The following MCFD2 variants were observed in gnomAD, a reference collection of about 807,000 sequenced individuals.
MCFD2 encodes multiple coagulation factor deficiency protein 2.
In MCFD2, 11 loss-of-function variants were observed where a neutral mutation model predicts 12.8. The observed-to-expected ratio is 0.86, with a 90% CI of 0.54 to 1.42. The LOEUF (loss-of-function observed/expected upper bound fraction) is 1.42. Ranked by LOEUF, MCFD2 falls within the 40% of genes most tolerant of loss-of-function variation. The pLI is 0.00. For synonymous variants in MCFD2, 70 were observed against 68.1 expected, an observed-to-expected ratio of 1.03 and a Z score of -0.14; for missense variants, 191 against 178.6, an observed-to-expected ratio of 1.07 and a Z score of -0.40.
At position 46,909,164 on chromosome 2, in the gene MCFD2, A is replaced by G. The variant is rs1254106218; in HGVS notation, c.8T>C (p.Met3Thr). 2 of 1,611,420 alleles carry G rather than the reference A, an allele frequency of 1.2e-6. No individual in the cohort carries two copies. Among genetic ancestry groups the G allele is most frequent in the Non-Finnish European group, 1.7e-6 (2 of 1,177,610 alleles). Residue 3 changes from methionine (M) to threonine (T), a missense_variant, in exon 2 of 4, where the codon ATG (methionine) becomes ACG (threonine). Met to Thr is a moderately conservative substitution (Grantham distance 81, BLOSUM62 -1). Coordinates refer to ENST00000319466, the MANE Select transcript of MCFD2 (RefSeq NM_139279.6). MTMRSLLRTPFLC... is the reference protein window; with the variant it reads MTTRSLLRTPFLC... ...GAAGGGGGTTCTGAGCAGGGATCTC[A>G]TGGTCATCAATATCTGTGAGATGGG...
In MCFD2 at chr2:46,940,185, G is replaced by C. The variant is rs1204984763; in HGVS notation, c.-8+1387C>G. On this transcript the variant is annotated intron_variant, in intron 1 of 2. Transcript: ENST00000409147. The surrounding 1 kb of genome is among the most constrained non-coding windows in gnomAD (Gnocchi z 4.7). Reference sequence around the variant, plus strand: ...TAAAAACCTTCCCTCGGTTACAGTTGTCCAAAAACACTTAGGGCAGTGGTG... The same window carrying C: ...TAAAAACCTTCCCTCGGTTACAGTTCTCCAAAAACACTTAGGGCAGTGGTG... 2.0e-5 allele frequency among the ~76,000 whole-genome samples: 3 copies of C among 152,066 alleles called. No homozygotes were observed. The highest frequency in any genetic ancestry group is 2.9e-5 in the Non-Finnish European group (2 of 68,020).
chr2:46,911,805 A>C (rs1210515864), intron 1 of MCFD2, among the ~76,000 whole-genome samples: 1 of 152,158 alleles, frequency 6.6e-6, no homozygotes, highest in East Asian at 1.9e-4. Flanking sequence ...GGGCACCTGT[A>C]GTCCCAGCTA....
chr2:46,917,177 T>G, upstream of MCFD2: 2 of 701,804 alleles, frequency 2.8e-6, no homozygotes, highest in Non-Finnish European at 5.2e-6. Context: ...TTTTTCTTTT[T>G]TTAAAGAAAA....
At position 46,902,307 on chromosome 2, in the gene MCFD2, G is replaced by C. The variant is rs190858774; in HGVS notation, c.*3156C>G. On this transcript the variant is annotated 3_prime_UTR_variant, in exon 4 of 4. Transcript: ENST00000319466. ...ACTTCAACAATATCCCTCTTGACTAGAACTTCTATCTGATTAATCATTGTT... is the reference window on the plus strand; with the variant it reads ...ACTTCAACAATATCCCTCTTGACTACAACTTCTATCTGATTAATCATTGTT... 4 of 152,724 alleles carry C rather than the reference G, an allele frequency of 2.6e-5. No homozygotes were observed. The East Asian group carries it at 5.8e-4, about 22-fold the overall frequency. The allele number at this position is 152,724 out of a possible 1,614,324, so 9.5% of individuals were successfully genotyped here. A position where few individuals can be genotyped will look rare whatever the true frequency, so the allele number is the denominator to read the frequency against.
chr2:46,905,710 A>G (rs1210468160), intron 3 of MCFD2, 116 bp from the exon 4 acceptor site: 2 of 1,142,410 alleles, frequency 1.8e-6, no homozygotes, highest in Non-Finnish European at 1.3e-6. Context: ...AAAAAAAAAA[A>G]AAAAAGGAAA....
At position 46,941,605 on chromosome 2, in the gene MCFD2, G is replaced by A. The variant is rs370846366; in HGVS notation, c.-41C>T. 9 of 1,556,642 alleles carry A rather than the reference G, an allele frequency of 5.8e-6. No homozygotes were observed. Among genetic ancestry groups the A allele is most frequent in the Non-Finnish European group, 7.8e-6 (9 of 1,150,802 alleles). On this transcript the variant is annotated 5_prime_UTR_variant, in exon 1 of 3. Coordinates refer to the MCFD2 transcript ENST00000409147. The surrounding 1 kb of genome is among the most constrained non-coding windows in gnomAD (Gnocchi z 4.2). ...GGAGAGCGAGCTGGAGCGCTGCCGC[G>A]CCGAGGGCCACTGGGACCGCATGCC... is the stretch of plus-strand genomic sequence containing the variant.
intron 1 of MCFD2, among the ~76,000 whole-genome samples, chr2:46,929,965 C>T (rs189716843): frequency 2.2e-4 from 33 of 152,170 alleles, no homozygotes; most frequent in Non-Finnish European, 4.0e-4. Context: ...TAGCTTGAGC[C>T]CCAGAGTGAA....
At chr2:46,916,855 T>A (rs1668823073), upstream of MCFD2, among the ~76,000 whole-genome samples, 1 of 151,966 alleles carries the variant, frequency 6.6e-6, no homozygotes, top group South Asian at 2.1e-4. Context: ...GGCTGGTCTC[T>A]AACTGCTGAC....
chr2:46,923,708 A>G (rs912897869), intron 1 of MCFD2, among the ~76,000 whole-genome samples: 2 of 152,086 alleles, frequency 1.3e-5, no homozygotes, highest in Non-Finnish European at 2.9e-5. Context: ...CCTGCACAAC[A>G]TAGGAAGACC....
upstream of MCFD2, among the ~76,000 whole-genome samples, chr2:46,920,289 G>C (rs908662591): frequency 6.6e-6 from 1 of 151,988 alleles, no homozygotes; most frequent in African/African-American, 2.4e-5. Context: ...GTTGTTTGGA[G>C]TTTTTGACAT....
At chr2:46,906,008 T>A in intron 3 of MCFD2, 1 of 471,826 alleles carries the variant, frequency 2.1e-6, no homozygotes. Context: ...CAGTGACGAA[T>A]TGGACAACAA....
At chr2:46,921,162 C>T (rs1178426789) in intron 1 of MCFD2, among the ~76,000 whole-genome samples, 4 of 152,114 alleles carry the variant, frequency 2.6e-5, no homozygotes, top group African/African-American at 7.2e-5. Flanking sequence ...ATTCATTATA[C>T]TAGAGCTTTA....
At chr2:46,936,443 A>G (rs998665757) in intron 1 of MCFD2, among the ~76,000 whole-genome samples, 2 of 152,102 alleles carry the variant, frequency 1.3e-5, no homozygotes, top group Admixed American at 1.3e-4. Context: ...GTTCAGGACA[A>G]TCTCTCCGGA....
In MCFD2 at chr2:46,941,533, C is replaced by T. The variant is rs911541663; in HGVS notation, c.-8+39G>A. On this transcript the variant is annotated intron_variant, in intron 1 of 2. Coordinates refer to the MCFD2 transcript ENST00000409147. This position sits in a 1 kb window ranked among gnomAD's most constrained non-coding sequence, Gnocchi z 4.2. ...TGGCCGCACCTTCCATGACAGCGCC[C>T]GCGAGAAGATGGCTGCGAAGGGCGC... is the stretch of plus-strand genomic sequence containing the variant. The T allele has an allele frequency of 2.6e-5, 41 of 1,551,602 alleles. No homozygotes were observed. Among genetic ancestry groups the T allele is most frequent in the Admixed American group, 3.9e-5 (2 of 51,340 alleles).
At chr2:46,913,940 G>C (rs774137549) in intron 1 of MCFD2, 1 of 152,422 alleles carries the variant, frequency 6.6e-6, no homozygotes, top group Non-Finnish European at 1.5e-5. Context: ...TCTCTCATCC[G>C]ACCTCAGTCT....
Position 46,930,820 on chromosome 2 carries a change from A to G in MCFD2, c.-8+10752T>C, listed in dbSNP as rs532156479. ...CAGCCTGAAGTCCTATAATTTTTAA[A>G]GAAATCCAATCAGTAATTTTTAAAC... On this transcript the variant is annotated intron_variant, in intron 1 of 2. Coordinates refer to the MCFD2 transcript ENST00000409147. Among the ~76,000 whole-genome samples, 5 of 152,304 alleles carry G rather than the reference A, an allele frequency of 3.3e-5. No individual in the cohort carries two copies. The South Asian group carries it at 1.0e-3, about 32-fold the overall frequency.
chr2:46,907,985 C>G lies in MCFD2; in HGVS notation c.150-16G>C. On this transcript the variant is annotated splice_polypyrimidine_tract_variant and intron_variant, in intron 2 of 3. Coordinates refer to ENST00000319466, the MANE Select transcript of MCFD2 (RefSeq NM_139279.6). This position sits in a 1 kb window ranked among gnomAD's most constrained non-coding sequence, Gnocchi z 4.1. ...CATGATATGCCTAAAAATCAACAGT[C>G]AGGTTCAGGCCAATTGACAGATACT... The G allele has an allele frequency of 1.2e-6, 2 of 1,613,864 alleles. No homozygotes were observed. Among genetic ancestry groups the G allele is most frequent in the Non-Finnish European group, 1.7e-6 (2 of 1,180,002 alleles).
chr2:46,920,532 T>A (rs564353021), upstream of MCFD2, among the ~76,000 whole-genome samples: 2 of 151,960 alleles, frequency 1.3e-5, no homozygotes, highest in African/African-American at 4.8e-5. Flanking sequence ...GGTTTCACCA[T>A]GTTGGCCAGG....
At chr2:46,927,430 C>T (rs555649487) in intron 1 of MCFD2, among the ~76,000 whole-genome samples, 1 of 148,616 alleles carries the variant, frequency 6.7e-6, no homozygotes, top group African/African-American at 2.5e-5. Flanking sequence ...GATCTCGGCT[C>T]ACTGCAGGCT....
Sources: allele counts gnomAD v4.1 joint callset (sites outside exome capture counted in the v4.1 genomes callset), GRCh38; gene constraint gnomAD v4.1.1; non-coding constraint Gnocchi (gnomAD v3.1); transcripts MANE v1.5; gene names NCBI Gene and HGNC (gene_info 2026-07-23, HGNC 2026-07-21).